The following ZBBX variants were observed in gnomAD, a reference collection of about 807,000 sequenced individuals.
The protein encoded by ZBBX is zinc finger B-box domain-containing protein 1.
In ZBBX, 101 loss-of-function variants were observed where a neutral mutation model predicts 108.5. The observed-to-expected ratio is 0.93, with a 90% CI of 0.79 to 1.10. The LOEUF (loss-of-function observed/expected upper bound fraction) is 1.10, where lower values mean the gene tolerates loss of function less well. Among genes scored for constraint, ZBBX ranks in the 50% least tolerant of loss-of-function variants. The pLI, the probability that ZBBX is intolerant of heterozygous loss-of-function variation, is 0.00. For synonymous variants in ZBBX, 356 were observed against 323.4 expected (o/e 1.10, Z -1.08); for missense variants, 1,009 against 941.4 (o/e 1.07, Z -0.94).
intron 20 of ZBBX, among the ~76,000 whole-genome samples, chr3:167,273,005 T>C (rs892993985): frequency 6.6e-6 from 1 of 152,214 alleles, no homozygotes; most frequent in Non-Finnish European, 1.5e-5. Context: ...AAACCTACTT[T>C]AAGTCGCTTC....
At chr3:167,259,315 A>G (rs899988796) in intron 20 of ZBBX, among the ~76,000 whole-genome samples, 3 of 152,028 alleles carry the variant, frequency 2.0e-5, no homozygotes, top group African/African-American at 4.8e-5. Flanking sequence ...GTCAGTTGTA[A>G]TATCTCCTGT....
At chr3:167,327,889 G>C in intron 11 of ZBBX, 53 bp downstream of exon 11, 1 of 1,516,054 alleles carries the variant, frequency 6.6e-7, no homozygotes, top group Non-Finnish European at 8.7e-7. Context: ...ACTCCAGCCT[G>C]GGCAACAAAG....
At position 167,317,072 on chromosome 3, in the gene ZBBX, A is replaced by G. The variant is rs1214591964; in HGVS notation, c.1127T>C (p.Leu376Ser). 6.8e-6 allele frequency: 11 copies of G among 1,610,878 alleles called. No homozygotes were observed. Among genetic ancestry groups the G allele is most frequent in the Non-Finnish European group, 9.3e-6 (11 of 1,177,924 alleles). ...EETKVQHTAL[L>S]LPVETLNIER... ...TATGTTTAATGTTTCTACTGGCAAT[A>G]AAAGAGCTGTGTGTTGTACTTTGGT... Residue 376 changes from leucine (L) to serine (S), a missense_variant, in exon 14 of 22, where the codon TTA becomes TCA. Physicochemically the swap from Leu to Ser is moderately radical, Grantham distance 145 (BLOSUM62 -2). Coordinates refer to ENST00000675490, the MANE Select transcript of ZBBX (RefSeq NM_001199201.2).
intron 2 of ZBBX, among the ~76,000 whole-genome samples, chr3:167,376,430 A>G (rs1056931409): frequency 1.3e-5 from 2 of 152,206 alleles, no homozygotes; most frequent in Non-Finnish European, 2.9e-5. Context: ...AAAAACTTCC[A>G]TAATGTTATT....
At chr3:167,352,212 G>GA (rs762524473) in intron 8 of ZBBX, among the ~76,000 whole-genome samples, 21 of 152,094 alleles carry the variant, frequency 1.4e-4, no homozygotes, top group South Asian at 8.3e-4. Flanking sequence ...TTGGGTCTTT[G>GA]AAAAAATTAA....
intron 4 of ZBBX, 23 bp from the exon 5 acceptor site, chr3:167,368,597 G>C: frequency 1.3e-6 from 2 of 1,525,282 alleles, no homozygotes; most frequent in Non-Finnish European, 1.8e-6. Context: ...GATTTAAATG[G>C]AGAAAGCAGA....
intron 4 of ZBBX, among the ~76,000 whole-genome samples, chr3:167,372,419 C>G (rs1197713666): frequency 2.0e-5 from 3 of 152,096 alleles, no homozygotes; most frequent in South Asian, 2.1e-4. Flanking sequence ...TAGGACAGAC[C>G]TCTCCTGGAA....
At chr3:167,365,812 A>G (rs563754959) in intron 6 of ZBBX, 74 bp downstream of exon 6, 1 of 1,034,862 alleles carries the variant, frequency 9.7e-7, no homozygotes, top group East Asian at 2.5e-5. Flanking sequence ...TGAGTATAGA[A>G]GAAAATGCAA....
chr3:167,393,930 CT>C (rs35091101), intron 1 of ZBBX, among the ~76,000 whole-genome samples: 1 of 151,694 alleles, frequency 6.6e-6, no homozygotes, highest in Non-Finnish European at 1.5e-5. Context: ...GCTTATTGAA[CT>C]TTTTCACTAA....
At chr3:167,249,990 G>A (rs1286297125) in intron 20 of ZBBX, among the ~76,000 whole-genome samples, 2 of 152,282 alleles carry the variant, frequency 1.3e-5, no homozygotes, top group East Asian at 1.9e-4. Context: ...GTCCATGATC[G>A]ACTAAGGATT....
intron 18 of ZBBX, among the ~76,000 whole-genome samples, chr3:167,294,812 T>C (rs909956841): frequency 6.6e-5 from 10 of 152,082 alleles, no homozygotes; most frequent in African/African-American, 2.2e-4. Flanking sequence ...AAAGGGCTAA[T>C]ATTCAGAATC....
chr3:167,403,105 C>T (rs1430564858), intron 1 of ZBBX, among the ~76,000 whole-genome samples: 1 of 152,078 alleles, frequency 6.6e-6, no homozygotes, highest in Non-Finnish European at 1.5e-5. Context: ...GTCGCTGAAT[C>T]TCCAATGGAG....
chr3:167,333,957 A>T lies in ZBBX; in HGVS notation c.557T>A (p.Leu186Ter). Residue 186 changes from leucine to a stop codon, truncating the protein, a stop_gained, in exon 10 of 22, where the codon TTG becomes TAG. Coordinates refer to ENST00000675490, the MANE Select transcript of ZBBX (RefSeq NM_001199201.2). LOFTEE classifies it high-confidence loss of function. ...CTTTATAAACTGATGGGCAACATCCAATACATTGAATAATATTTGAGATTT... is the reference window on the plus strand; with the variant it reads ...CTTTATAAACTGATGGGCAACATCCTATACATTGAATAATATTTGAGATTT... ...QAKSQILFNV[L>*]DVAHQFIKDV... 1 of 1,588,422 alleles carries T rather than the reference A, an allele frequency of 6.3e-7. No individual in the cohort carries two copies. Among genetic ancestry groups the T allele is most frequent in the Non-Finnish European group, 8.6e-7 (1 of 1,169,208 alleles).
In ZBBX at chr3:167,327,956, T is replaced by C. The variant is rs749917409; in HGVS notation, c.848A>G (p.His283Arg). The change falls in exon 11 of 22, where the codon CAT (histidine) becomes CGT (arginine). Residue 283 changes from histidine to arginine, a missense_variant. Transcript: ENST00000675490. The part of the protein sequence containing the change: ...NHDDNKKQNL[H>R]AAVKDSLEEC... Reference sequence around the variant, plus strand: ...AAAAGCCATACCTTTTACTGCTGCATGTAAATTCTGTTTCTTGTTGTCATC... The same window carrying C: ...AAAAGCCATACCTTTTACTGCTGCACGTAAATTCTGTTTCTTGTTGTCATC... 7.6e-6 allele frequency: 12 copies of C among 1,579,926 alleles called. No homozygotes were observed. The highest frequency in any genetic ancestry group is 3.5e-5 in the Admixed American group (2 of 56,788).
chr3:167,364,513 A>G lies in ZBBX; in HGVS notation c.273+1373T>C, dbSNP rs373485427. Among the ~76,000 whole-genome samples, 51 of 151,898 alleles carry G rather than the reference A, an allele frequency of 3.4e-4. No individual in the cohort carries two copies. In the East Asian group the frequency reaches 5.4e-3, roughly 16 times the overall value. On this transcript the variant is annotated intron_variant, in intron 6 of 21. Transcript: ENST00000675490. ...ATCTTAGACAAGCCTGAGAGCTTAC[A>G]TGTCAAATCTTGGCCCTGACTTTTG... is the stretch of plus-strand genomic sequence containing the variant.
At chr3:167,407,182 C>A (rs1481833306) in intron 1 of ZBBX, among the ~76,000 whole-genome samples, 3 of 152,278 alleles carry the variant, frequency 2.0e-5, no homozygotes, top group African/African-American at 4.8e-5. Flanking sequence ...GTGCTTATCA[C>A]CCTCACTATG....
chr3:167,295,740 T>TATAA (rs1731551723), intron 18 of ZBBX, among the ~76,000 whole-genome samples: 1 of 44,414 alleles, frequency 2.3e-5, no homozygotes, highest in Non-Finnish European at 3.7e-5. Context: ...TATATATATA[T>TATAA]ATATATATAT....
At chr3:167,385,279 A>T (rs906799588), upstream of ZBBX, among the ~76,000 whole-genome samples, 1 of 151,986 alleles carries the variant, frequency 6.6e-6, no homozygotes, top group Non-Finnish European at 1.5e-5. Context: ...CACAACTCTA[A>T]CACAATGGTC....
intron 20 of ZBBX, among the ~76,000 whole-genome samples, chr3:167,275,684 T>C (rs369163369): frequency 2.0e-5 from 3 of 152,056 alleles, no homozygotes; most frequent in Admixed American, 1.3e-4. Flanking sequence ...AACTGCAAGG[T>C]GGCAGCGAGG....
Sources: allele counts gnomAD v4.1 joint callset (sites outside exome capture counted in the v4.1 genomes callset), GRCh38; gene constraint gnomAD v4.1.1; transcripts MANE v1.5; gene names NCBI Gene and HGNC (gene_info 2026-07-23, HGNC 2026-07-21).